Variants in MAPK9 observed in about 807,000 individuals in gnomAD.
MAPK9 encodes Jun kinase.
Under a neutral mutation model 57.1 loss-of-function variants are expected in MAPK9, and 30 were observed. The observed-to-expected ratio is 0.53, with a 90% confidence interval of 0.39 to 0.71. The LOEUF (loss-of-function observed/expected upper bound fraction) is 0.71, where lower values mean the gene tolerates loss of function less well. Ranked by LOEUF, MAPK9 falls within the 30% of genes least tolerant of loss-of-function variation. The probability of loss-of-function intolerance (pLI) is 0.00; values close to 1 mark genes in which losing one functional copy is unlikely to be tolerated. For missense variants in MAPK9, 362 were observed against 521.0 expected (o/e 0.69, Z 2.97); for synonymous variants, 155 against 177.0 (o/e 0.88, Z 0.99).
chr5:180,275,055 C>T (rs1325842270), intron 2 of MAPK9, among the ~76,000 whole-genome samples: 3 of 152,120 alleles, frequency 2.0e-5, no homozygotes, highest in Non-Finnish European at 4.4e-5. Context: ...CCTTTATCAC[C>T]TTGAACGTAA....
chr5:180,256,561 G>C (rs1043076290), intron 5 of MAPK9, among the ~76,000 whole-genome samples: 3 of 152,228 alleles, frequency 2.0e-5, no homozygotes, highest in Non-Finnish European at 4.4e-5. Context: ...CAGGGAACAA[G>C]GTGACAGGGA....
At chr5:180,286,148 C>CT (rs554112535) in intron 1 of MAPK9, among the ~76,000 whole-genome samples, 42,600 of 111,542 alleles carry the variant, frequency 0.38, 9,746 homozygotes, top group African/African-American at 0.47. Flanking sequence ...TCTTTCTTTT[C>CT]TTTTTTTTTT....
At chr5:180,280,669 A>G in intron 1 of MAPK9, 61 bp from the exon 2 acceptor site, 7 of 1,361,322 alleles carry the variant, frequency 5.1e-6, no homozygotes, top group Non-Finnish European at 6.9e-6. Flanking sequence ...AGCTCACGTA[A>G]GAGAGTTCTG....
At chr5:180,269,970 A>G (rs1227948326) in intron 2 of MAPK9, among the ~76,000 whole-genome samples, 1 of 152,260 alleles carries the variant, frequency 6.6e-6, no homozygotes, top group Admixed American at 6.5e-5. Context: ...ACTGCTATAT[A>G]AAGTTCTTTT....
In MAPK9 at chr5:180,264,746, T is replaced by C. The variant is rs200904700; in HGVS notation, c.311+35A>G. The C allele has an allele frequency of 5.6e-4, 849 of 1,519,322 alleles. 8 individuals are homozygous for C. The highest frequency in any genetic ancestry group is 5.1e-5 in the Non-Finnish European group (58 of 1,134,164). The allele number at this position is 1,519,322 out of a possible 1,614,324, so 94.1% of individuals were successfully genotyped here. A position where few individuals can be genotyped will look rare whatever the true frequency, so the allele number is the denominator to read the frequency against. ...TCTTTTCTAGATGTTCATTCTTTGA[T>C]GTACAGTGCATTACTGAATAAAAAT... On this transcript the variant is annotated intron_variant, in intron 4 of 11. Transcript: ENST00000452135.
intron 5 of MAPK9, among the ~76,000 whole-genome samples, chr5:180,252,027 G>A (rs1377554172): frequency 1.3e-5 from 2 of 152,178 alleles, no homozygotes; most frequent in East Asian, 3.9e-4. Context: ...ACAGCTCTAA[G>A]TAGACACTGA....
chr5:180,240,411 TA>T (rs1327845613), intron 9 of MAPK9, among the ~76,000 whole-genome samples: 33 of 152,376 alleles, frequency 2.2e-4, no homozygotes, highest in Admixed American at 9.1e-4. Context: ...AATGGACTGT[TA>T]TAAAAGTCTG....
intron 7 of MAPK9, among the ~76,000 whole-genome samples, chr5:180,245,226 A>AG (rs1757990989): frequency 6.6e-6 from 1 of 152,126 alleles, no homozygotes; most frequent in Admixed American, 6.5e-5. Flanking sequence ...TCCAAACCCT[A>AG]GCAAGGCTCC....
At chr5:180,245,108 G>C (rs7726664) in intron 7 of MAPK9, among the ~76,000 whole-genome samples, 1 of 151,948 alleles carries the variant, frequency 6.6e-6, no homozygotes, top group South Asian at 2.1e-4. Flanking sequence ...TCCCCTGCAA[G>C]TGCTCGCTAC....
intron 1 of MAPK9, among the ~76,000 whole-genome samples, chr5:180,285,038 A>G (rs1762617757): frequency 6.6e-6 from 1 of 152,240 alleles, no homozygotes. Context: ...AAAACTGATT[A>G]AACAACACAT....
At chr5:180,270,868 A>AAAAAAAAAAAAAG (rs1466941482) in intron 2 of MAPK9, among the ~76,000 whole-genome samples, 9 of 137,562 alleles carry the variant, frequency 6.5e-5, no homozygotes, top group African/African-American at 2.5e-4. Context: ...CAAAAAAAAA[A>AAAAAAAAAAAAAG]AAAAAGAAAA....
intron 5 of MAPK9, among the ~76,000 whole-genome samples, chr5:180,254,203 G>T (rs1439589469): frequency 6.6e-6 from 1 of 152,128 alleles, no homozygotes; most frequent in Non-Finnish European, 1.5e-5. Context: ...TTGACCTCAG[G>T]TGATCTGCCC....
chr5:180,286,247 G>A (rs1435408395), intron 1 of MAPK9, among the ~76,000 whole-genome samples: 5 of 139,868 alleles, frequency 3.6e-5, no homozygotes, highest in Admixed American at 1.5e-4. Flanking sequence ...CCAGGTTCAC[G>A]CCATTCTCCT....
At chr5:180,257,902 C>A in intron 5 of MAPK9, 1 of 181,486 alleles carries the variant, frequency 5.5e-6, no homozygotes, top group South Asian at 1.5e-4. Context: ...TCCTTCATCC[C>A]TTAATAGGCA....
chr5:180,236,541 C>T lies in MAPK9; in HGVS notation c.1133-15G>A. The T allele has an allele frequency of 1.2e-6, 2 of 1,607,524 alleles. No individual in the cohort carries two copies. The highest frequency in any genetic ancestry group is 1.7e-6 in the Non-Finnish European group (2 of 1,175,174). On this transcript the variant is annotated splice_polypyrimidine_tract_variant and intron_variant, in intron 11 of 11. Coordinates refer to ENST00000452135, the MANE Select transcript of MAPK9 (RefSeq NM_002752.5). ...TACTGCTGCATCTGTGCTAAGAAAA[C>T]CAAATATAATAAAATCTGAGGCACG...
Position 180,292,035 on chromosome 5 carries a change from C to T in MAPK9, c.-235G>A, listed in dbSNP as rs1331529669. On this transcript the variant is annotated 5_prime_UTR_variant, in exon 1 of 12. Coordinates refer to ENST00000452135, the MANE Select transcript of MAPK9 (RefSeq NM_002752.5). The stretch of plus-strand genomic sequence containing the variant: ...GGGGCGCCGGGGCGCTGCGACCCTT[C>T]CGGTCCCGCTCCCTTCTCCGCCGCT... 6.4e-6 allele frequency: 1 copy of T among 156,010 alleles called. No homozygotes were observed. The highest frequency in any genetic ancestry group is 2.4e-5 in the African/African-American group (1 of 41,208). 9.7% of individuals were successfully genotyped at this position (156,010 alleles called of 1,614,324 possible).
intron 5 of MAPK9, among the ~76,000 whole-genome samples, chr5:180,253,245 C>A (rs1758899309): frequency 6.6e-6 from 1 of 152,222 alleles, no homozygotes; most frequent in South Asian, 2.1e-4. Flanking sequence ...GTTCAGCTAG[C>A]ATTTGCTGCC....
intron 5 of MAPK9, among the ~76,000 whole-genome samples, chr5:180,253,989 G>A (rs531514152): frequency 6.9e-4 from 81 of 116,892 alleles, no homozygotes; most frequent in African/African-American, 1.4e-3. Flanking sequence ...TTTTTGAGAC[G>A]AAGTCTCGAT....
At chr5:180,271,258 C>A (rs562559753) in intron 2 of MAPK9, among the ~76,000 whole-genome samples, 28 of 152,340 alleles carry the variant, frequency 1.8e-4, no homozygotes, top group African/African-American at 6.5e-4. Context: ...AGCTTCCCCA[C>A]TTGTAGCTCA....
Sources: gnomAD v4.1 joint callset for allele counts (sites outside exome capture counted in the v4.1 genomes callset) on GRCh38, gnomAD v4.1.1 for gene constraint, MANE v1.5 for transcripts, NCBI Gene and HGNC (gene_info 2026-07-23, HGNC 2026-07-21) for gene names.